The following CASD1 variants were observed in gnomAD, a reference collection of about 807,000 sequenced individuals.
The protein encoded by CASD1 is N-acetylneuraminate (7)9-O-acetyltransferase.
Under a neutral mutation model 100.0 loss-of-function variants are expected in CASD1, and 41 were observed. The observed-to-expected ratio is 0.41, with a 90% CI of 0.32 to 0.53. The LOEUF (loss-of-function observed/expected upper bound fraction) is 0.53. CASD1 is among the 20% of genes least tolerant of loss of function. CASD1 has a pLI of 0.25. For missense variants in CASD1, 774 were observed against 948.7 expected (o/e 0.82, Z 2.42); for synonymous variants, 321 against 315.6 (o/e 1.02, Z -0.18).
At chr7:94,555,439 A>G in intron 17 of CASD1, 53 bp from the exon 18 acceptor site, 1 of 1,528,462 alleles carries the variant, frequency 6.5e-7, no homozygotes, top group Admixed American at 1.9e-5. Flanking sequence ...GGAAAACTGT[A>G]ATTTATTCAT....
At chr7:94,628,447 AT>A in the CASD1 span, 25 of 1,205,450 alleles carry the variant, frequency 2.1e-5, no homozygotes, top group Non-Finnish European at 3.0e-5. Context: ...TCTGTCTAAA[AT>A]TTTTTTCTTA....
At chr7:94,566,553 A>T in the CASD1 span, among the ~76,000 whole-genome samples, 2 of 152,028 alleles carry the variant, frequency 1.3e-5, no homozygotes, top group Non-Finnish European at 2.9e-5. Flanking sequence ...TCTCCAACTT[A>T]TGGCTGTTTC....
At chr7:94,525,958 A>G (rs1367494338) in intron 3 of CASD1, among the ~76,000 whole-genome samples, 4 of 152,160 alleles carry the variant, frequency 2.6e-5, no homozygotes, top group Admixed American at 6.5e-5. Context: ...TACGATTTCT[A>G]TTTCTGAAAG....
At chr7:94,628,522 G>A in the CASD1 span, 19 of 574,530 alleles carry the variant, frequency 3.3e-5, no homozygotes, top group African/African-American at 2.1e-4. Context: ...AGGGCACCAC[G>A]TTAAAAAAAA....
the CASD1 span, among the ~76,000 whole-genome samples, chr7:94,570,683 C>G: frequency 6.6e-6 from 1 of 152,000 alleles, no homozygotes; most frequent in Non-Finnish European, 1.5e-5. Flanking sequence ...TTAGTGGAGA[C>G]CGGGTTTCAC....
At chr7:94,538,315 A>C (rs1199690902) in intron 9 of CASD1, among the ~76,000 whole-genome samples, 2 of 150,792 alleles carry the variant, frequency 1.3e-5, no homozygotes, top group African/African-American at 5.0e-5. Context: ...TCAGTCAGAC[A>C]TATATACATA....
At chr7:94,528,340 ACT>A (rs1794680622) in intron 5 of CASD1, 90 bp downstream of exon 5, 1 of 888,186 alleles carries the variant, frequency 1.1e-6, no homozygotes, top group African/African-American at 1.7e-5. Flanking sequence ...CACTTGTCCC[ACT>A]CTCCTATATT....
At chr7:94,615,450 G>A in the CASD1 span, among the ~76,000 whole-genome samples, 1 of 152,062 alleles carries the variant, frequency 6.6e-6, no homozygotes, top group African/African-American at 2.4e-5. Context: ...AGTTACCATA[G>A]ATAGAGACAA....
Position 94,554,463 on chromosome 7 carries a change from CT to C in CASD1, c.2035-16del. 6.7e-7 allele frequency: 1 copy of C among 1,487,120 alleles called. No individual in the cohort carries two copies. The highest frequency in any genetic ancestry group is 9.3e-7 in the Non-Finnish European group (1 of 1,073,730). The allele number at this position is 1,487,120 out of a possible 1,614,324, so 92.1% of individuals were successfully genotyped here. The stretch of plus-strand genomic sequence containing the variant: ...TCAATAAAGAGATTATTAATATTTG[CT>C]TTTGTGCTTTTTCTTTAGATTTTAG... On this transcript the variant is annotated intron_variant, in intron 16 of 17. Transcript: ENST00000297273.
At chr7:94,588,674 A>T in the CASD1 span, 1 of 1,580,820 alleles carries the variant, frequency 6.3e-7, no homozygotes, top group Non-Finnish European at 8.7e-7. Flanking sequence ...TTAATTTATT[A>T]TTCTTAGCAC....
intron 1 of CASD1, among the ~76,000 whole-genome samples, chr7:94,512,280 G>A (rs1219743149): frequency 6.6e-6 from 1 of 152,258 alleles, no homozygotes; most frequent in East Asian, 1.9e-4. Flanking sequence ...AAAAAATCTC[G>A]TATCATTTAA....
At chr7:94,627,263 T>C in the CASD1 span, 1 of 152,074 alleles carries the variant, frequency 6.6e-6, no homozygotes, top group Admixed American at 6.6e-5. Flanking sequence ...CTGTATTCTT[T>C]TAGTTTATAC....
At chr7:94,522,732 A>G (rs968136573) in intron 3 of CASD1, among the ~76,000 whole-genome samples, 21 of 150,994 alleles carry the variant, frequency 1.4e-4, no homozygotes, top group African/African-American at 4.9e-4. Context: ...ATCTCAGCTC[A>G]CTGCAAGCTC....
At chr7:94,579,176 T>C in the CASD1 span, among the ~76,000 whole-genome samples, 2 of 147,076 alleles carry the variant, frequency 1.4e-5, no homozygotes, top group African/African-American at 2.5e-5. Flanking sequence ...AATGAATGAA[T>C]GAAAGGGCCC....
the CASD1 span, among the ~76,000 whole-genome samples, chr7:94,574,725 C>T: frequency 1.3e-5 from 2 of 151,176 alleles, no homozygotes; most frequent in African/African-American, 4.9e-5. Flanking sequence ...AATCCCAGGA[C>T]TTTGGAAGCC....
chr7:94,584,078 G>A, the CASD1 span, among the ~76,000 whole-genome samples: 3 of 152,176 alleles, frequency 2.0e-5, no homozygotes, highest in Admixed American at 2.0e-4. Flanking sequence ...AATATGGTCA[G>A]TGCAAAAACC....
At chr7:94,599,209 G>GTAT in the CASD1 span, 2 of 427,512 alleles carry the variant, frequency 4.7e-6, no homozygotes, top group South Asian at 7.1e-5. Context: ...ATGAAGCATT[G>GTAT]TATTAATATT....
chr7:94,623,230 G>A, the CASD1 span: 2 of 709,628 alleles, frequency 2.8e-6, no homozygotes, highest in South Asian at 1.9e-5. Flanking sequence ...TAGGTATGTG[G>A]CATTTTAAAA....
chr7:94,536,963 AT>A (rs1795152146), intron 8 of CASD1, among the ~76,000 whole-genome samples: 1 of 152,188 alleles, frequency 6.6e-6, no homozygotes, highest in Admixed American at 6.5e-5. Flanking sequence ...AAAATTAATA[AT>A]TTTTTAGTGG....
Sources: allele counts gnomAD v4.1 joint callset (sites outside exome capture counted in the v4.1 genomes callset), GRCh38; gene constraint gnomAD v4.1.1; transcripts MANE v1.5; gene names NCBI Gene and HGNC (gene_info 2026-07-23, HGNC 2026-07-21).